The following GRAMD4 variants were observed in gnomAD, a reference collection of about 807,000 sequenced individuals.
The protein encoded by GRAMD4 is GRAM domain-containing protein 4.
In GRAMD4, 25 loss-of-function variants were observed where a neutral mutation model predicts 83.9. The ratio of observed to expected loss-of-function variants is 0.30; its 90% CI spans 0.22 to 0.42. GRAMD4 has a LOEUF of 0.42. Among genes scored for constraint, GRAMD4 ranks in the 10% least tolerant of loss-of-function variants. The pLI, the probability that GRAMD4 is intolerant of heterozygous loss-of-function variation, is 1.00. For synonymous variants in GRAMD4, 336 were observed against 320.9 expected (o/e 1.05, Z -0.50); for missense variants, 593 against 788.7 (o/e 0.75, Z 2.97).
intron 15 of GRAMD4, 64 bp downstream of exon 15, chr22:46,673,878 G>C: frequency 1.9e-6 from 3 of 1,571,914 alleles, no homozygotes; most frequent in Non-Finnish European, 2.6e-6. Flanking sequence ...CCGTGAGGGG[G>C]GCGCTGTGGA....
chr22:46,615,437 C>T (rs1375742632), upstream of GRAMD4, among the ~76,000 whole-genome samples: 6 of 133,190 alleles, frequency 4.5e-5, no homozygotes, highest in East Asian at 2.4e-4. Flanking sequence ...GTGTAGGTTC[C>T]GCTGTGCGTG....
intron 3 of GRAMD4, among the ~76,000 whole-genome samples, chr22:46,657,685 T>TC (rs2147323810): frequency 6.6e-6 from 1 of 152,330 alleles, no homozygotes; most frequent in East Asian, 1.9e-4. Flanking sequence ...TGCCCCGTGC[T>TC]CTTCTCAGGC....
At chr22:46,581,669 G>A (rs762792915) in intron 1 of GRAMD4, among the ~76,000 whole-genome samples, 27 of 152,196 alleles carry the variant, frequency 1.8e-4, no homozygotes, top group Admixed American at 5.2e-4. Context: ...ATTTATTTTC[G>A]TACCAACTGG....
chr22:46,584,390 G>A (rs528764296), intron 1 of GRAMD4, among the ~76,000 whole-genome samples: 8 of 152,162 alleles, frequency 5.3e-5, no homozygotes, highest in African/African-American at 1.4e-4. Context: ...CTGTGTCCGC[G>A]TGTAGCCTCC....
rs1245005952 is a variant in GRAMD4, at chr22:46,600,435, G to GCCT, written c.-50+23149_-50+23151dup. ...GACGTGGTGCTTTTTCACCCTCCAC[G>GCCT]CCTCCTTCTGCTTCCCTTGTGGCTT... On this transcript the variant is annotated intron_variant, in intron 1 of 1. Coordinates refer to the GRAMD4 transcript ENST00000431155. 6.6e-5 allele frequency among the ~76,000 whole-genome samples: 10 copies of GCCT among 152,286 alleles called. No individual in the cohort carries two copies. In the South Asian group the frequency reaches 8.3e-4, roughly 13 times the overall value.
At chr22:46,607,136 G>A (rs117556915) in intron 1 of GRAMD4, among the ~76,000 whole-genome samples, 4,871 of 151,900 alleles carry the variant, frequency 0.032, 107 homozygotes, top group Non-Finnish European at 0.046. Flanking sequence ...GAAGCCTGGG[G>A]TCCCATCCCC....
At chr22:46,665,941 A>G (rs1443967022) in intron 9 of GRAMD4, among the ~76,000 whole-genome samples, 2 of 152,186 alleles carry the variant, frequency 1.3e-5, no homozygotes, top group African/African-American at 2.4e-5. Context: ...CCGGGCGGCC[A>G]GCAGAGCCAG....
intron 3 of GRAMD4, among the ~76,000 whole-genome samples, chr22:46,657,760 C>A (rs550919541): frequency 6.6e-6 from 1 of 152,218 alleles, no homozygotes; most frequent in African/African-American, 2.4e-5. Context: ...GCTGCCGACG[C>A]GTCCCAGAAC....
At chr22:46,657,756 G>C (rs1158038871) in intron 3 of GRAMD4, among the ~76,000 whole-genome samples, 1 of 152,200 alleles carries the variant, frequency 6.6e-6, no homozygotes, top group South Asian at 2.1e-4. Context: ...CTCTGCTGCC[G>C]ACGCGTCCCA....
chr22:46,639,766 G>A (rs971544143), intron 3 of GRAMD4, among the ~76,000 whole-genome samples: 1 of 152,198 alleles, frequency 6.6e-6, no homozygotes, highest in African/African-American at 2.4e-5. Flanking sequence ...TTGGGCCCCT[G>A]AGGACTGGAC....
At chr22:46,650,483 GTGTAGGCCTGAGCCGATGCATCTCC>G (rs1475955612) in intron 3 of GRAMD4, among the ~76,000 whole-genome samples, 6 of 152,104 alleles carry the variant, frequency 3.9e-5, no homozygotes, top group Admixed American at 3.3e-4. Flanking sequence ...GTCTGGGCCT[GTGTAGGCCTGAGCCGATGCATCTCC>G]TTTGCCTCCC....
Position 46,659,291 on chromosome 22 carries a change from C to T in GRAMD4, c.404+984C>T, listed in dbSNP as rs534769393. Among the ~76,000 whole-genome samples, 15 of 151,988 alleles carry T rather than the reference C, an allele frequency of 9.9e-5. No individual in the cohort carries two copies. Among genetic ancestry groups the T allele is most frequent in the Non-Finnish European group, 2.1e-4 (14 of 67,966 alleles). On this transcript the variant is annotated intron_variant, in intron 4 of 18. Coordinates refer to ENST00000406902, the MANE Select transcript of GRAMD4 (RefSeq NM_015124.5). This position sits in a 1 kb window ranked among gnomAD's most constrained non-coding sequence, Gnocchi z 4.1. ...CAGTTTCTGCCCAGCCTCCCCCCAG[C>T]ATCATCTTCAGCCTCCGTCCTCAGA...
intron 8 of GRAMD4, among the ~76,000 whole-genome samples, chr22:46,665,075 G>T (rs1055193127): frequency 3.3e-5 from 5 of 152,212 alleles, no homozygotes; most frequent in Admixed American, 6.5e-5. Flanking sequence ...TGCTGCCTGG[G>T]CTCCCACACG....
chr22:46,614,423 T>A (rs892539685), intron 1 of GRAMD4, among the ~76,000 whole-genome samples: 1 of 152,252 alleles, frequency 6.6e-6, no homozygotes, highest in Non-Finnish European at 1.5e-5. Context: ...AAAAGCCTTG[T>A]GAAAATATTC....
chr22:46,673,924 G>C, intron 15 of GRAMD4, 110 bp downstream of exon 15: 1 of 1,208,962 alleles, frequency 8.3e-7, no homozygotes, highest in Non-Finnish European at 1.2e-6. Flanking sequence ...GGCCAGAGGA[G>C]CCCTCAGGAT....
In GRAMD4 at chr22:46,593,989, T is replaced by C. The variant is rs979383199; in HGVS notation, c.-50+16699T>C. Among the ~76,000 whole-genome samples the C allele has an allele frequency of 3.9e-5, 6 of 152,038 alleles. No homozygotes were observed. In the East Asian group the frequency reaches 1.2e-3, roughly 30 times the overall value. The stretch of plus-strand genomic sequence containing the variant: ...ATCTGCCCGCCTCGGCCTCCCAAAG[T>C]GCTAGGATTATAGGCGTGAGCCACC... On this transcript the variant is annotated intron_variant, in intron 1 of 1. Coordinates refer to the GRAMD4 transcript ENST00000431155.
rs748659476 is a variant in GRAMD4, at chr22:46,658,170, C to T, written c.284-17C>T. On this transcript the variant is annotated splice_polypyrimidine_tract_variant and intron_variant, in intron 3 of 18. Coordinates refer to ENST00000406902, the MANE Select transcript of GRAMD4 (RefSeq NM_015124.5). ...TGGACATGAGCGATGGTCACCTGGCCGTTCTCTCCCCCATAGAGGAGGAGC... is the reference window on the plus strand; with the variant it reads ...TGGACATGAGCGATGGTCACCTGGCTGTTCTCTCCCCCATAGAGGAGGAGC... The T allele has an allele frequency of 2.1e-4, 335 of 1,613,260 alleles. No homozygotes were observed. Among genetic ancestry groups the T allele is most frequent in the Admixed American group, 2.7e-4 (16 of 59,988 alleles).
At chr22:46,643,295 T>TC (rs1569284092) in intron 3 of GRAMD4, among the ~76,000 whole-genome samples, 45 of 102,914 alleles carry the variant, frequency 4.4e-4, no homozygotes, top group Non-Finnish European at 5.4e-4. Context: ...ATCCATCCAT[T>TC]CATCCATCCA....
At chr22:46,629,190 G>A (rs1334248860) in intron 2 of GRAMD4, among the ~76,000 whole-genome samples, 1 of 152,132 alleles carries the variant, frequency 6.6e-6, no homozygotes, top group Non-Finnish European at 1.5e-5. Flanking sequence ...GCTGAATGCA[G>A]GTCAGGCACT....
Sources: allele counts gnomAD v4.1 joint callset (sites outside exome capture counted in the v4.1 genomes callset), GRCh38; gene constraint gnomAD v4.1.1; non-coding constraint Gnocchi (gnomAD v3.1); transcripts MANE v1.5; gene names NCBI Gene and HGNC (gene_info 2026-07-23, HGNC 2026-07-21).